Variants in INPP5D observed in about 807,000 individuals in gnomAD.
The protein encoded by INPP5D is phosphatidylinositol 3,4,5-trisphosphate 5-phosphatase 1.
In INPP5D, 33 loss-of-function variants were observed where a neutral mutation model predicts 122.9. The observed-to-expected ratio is 0.27, with a 90% CI of 0.20 to 0.36. The LOEUF is 0.36. Among genes scored for constraint, INPP5D ranks in the 10% least tolerant of loss-of-function variants. The pLI, the probability that INPP5D is intolerant of heterozygous loss-of-function variation, is 1.00. For missense variants in INPP5D, 1,053 were observed against 1,412.7 expected (o/e 0.75, Z 4.08); for synonymous variants, 584 against 576.2 (o/e 1.01, Z -0.19).
At chr2:233,139,673 G>A (rs1173806124) in intron 5 of INPP5D, among the ~76,000 whole-genome samples, 169 bp from the exon 6 acceptor site, 2 of 152,204 alleles carry the variant, frequency 1.3e-5, no homozygotes, top group African/African-American at 2.4e-5. Context: ...GGATGGGTGG[G>A]CCAGTGCTGG....
At chr2:233,142,531 A>C (rs1042175663) in intron 6 of INPP5D, among the ~76,000 whole-genome samples, 2 of 152,178 alleles carry the variant, frequency 1.3e-5, no homozygotes, top group African/African-American at 4.8e-5. Flanking sequence ...TTAAGTAGGC[A>C]AGACAAGCTG....
In INPP5D at chr2:233,112,081, A is replaced by G. The variant is rs557853308; in HGVS notation, c.199-10026A>G. ...TCTGTCTTGAAAAAAAAAAAAAAAA[A>G]GAACAATGTAATAACATTTTTCCTC... On this transcript the variant is annotated intron_variant, in intron 2 of 26. Transcript: ENST00000445964. Among the ~76,000 whole-genome samples the G allele has an allele frequency of 5.2e-3, 772 of 148,304 alleles. 11 individuals are homozygous for G. Among genetic ancestry groups the G allele is most frequent in the African/African-American group, 0.019 (726 of 39,200 alleles).
intron 18 of INPP5D, among the ~76,000 whole-genome samples, chr2:233,178,474 ATTT>A (rs1694702262): frequency 6.7e-6 from 1 of 150,346 alleles, no homozygotes; most frequent in African/African-American, 2.5e-5. Context: ...TTATTTATTT[ATTT>A]ATTTATTTAT....
In INPP5D at chr2:233,077,632, G is replaced by C. The variant is rs1208268100; in HGVS notation, c.135-1703G>C. Among the ~76,000 whole-genome samples, 43 of 120,840 alleles carry C rather than the reference G, an allele frequency of 3.6e-4. 1 individual carries two copies. The Admixed American group carries it at 4.0e-3, about 11-fold the overall frequency. The allele number at this position is 120,840 out of a possible 152,430, so 79.3% of individuals were successfully genotyped here. The stretch of plus-strand genomic sequence containing the variant: ...CAAGATTGCGTGCCATTGCACTCCA[G>C]CCTGGGCAACAAGAGCAAAACTCTG... On this transcript the variant is annotated intron_variant, in intron 1 of 26. Transcript: ENST00000445964.
intron 25 of INPP5D, among the ~76,000 whole-genome samples, chr2:233,203,647 T>C (rs1417146411): frequency 6.6e-6 from 1 of 152,228 alleles, no homozygotes; most frequent in Non-Finnish European, 1.5e-5. Flanking sequence ...ATCCCAGCAC[T>C]TTGGGAGGCC....
intron 9 of INPP5D, among the ~76,000 whole-genome samples, chr2:233,154,263 C>A (rs1201234191): frequency 1.3e-5 from 2 of 152,210 alleles, no homozygotes; most frequent in East Asian, 3.8e-4. Flanking sequence ...ATTCTCGTGC[C>A]TCAGCCTCCC....
intron 9 of INPP5D, among the ~76,000 whole-genome samples, chr2:233,156,832 G>A (rs927300619): frequency 1.3e-5 from 2 of 152,192 alleles, no homozygotes; most frequent in Non-Finnish European, 2.9e-5. Flanking sequence ...AACAATGTAG[G>A]CACAGCAAGC....
At chr2:233,205,161 A>G (rs1248712891) in intron 26 of INPP5D, 2 of 156,196 alleles carry the variant, frequency 1.3e-5, no homozygotes, top group East Asian at 2.0e-4. Flanking sequence ...CCTGGCCAAC[A>G]TGGTGAAACC....
chr2:233,144,935 T>C (rs1693719986), intron 6 of INPP5D, among the ~76,000 whole-genome samples: 1 of 151,778 alleles, frequency 6.6e-6, no homozygotes, highest in Non-Finnish European at 1.5e-5. Flanking sequence ...GGGTGGAAAA[T>C]TGAGGTCAAA....
Position 233,164,068 on chromosome 2 carries a change from G to T in INPP5D, c.1437+165G>T. ...CTGTATTCAGAAATAAATGGGATCTGTGGGGTATTGCTGAAAACCACTGAG... is the reference window on the plus strand; with the variant it reads ...CTGTATTCAGAAATAAATGGGATCTTTGGGGTATTGCTGAAAACCACTGAG... On this transcript the variant is annotated intron_variant, in intron 12 of 26. Transcript: ENST00000445964. This position sits in a 1 kb window ranked among gnomAD's most constrained non-coding sequence, Gnocchi z 4.3. 2 of 1,389,040 alleles carry T rather than the reference G, an allele frequency of 1.4e-6. No homozygotes were observed. The highest frequency in any genetic ancestry group is 1.9e-6 in the Non-Finnish European group (2 of 1,053,992). The allele number at this position is 1,389,040 out of a possible 1,614,324, so 86.0% of individuals were successfully genotyped here. A position where few individuals can be genotyped will look rare whatever the true frequency, so the allele number is the denominator to read the frequency against.
chr2:233,125,654 G>T (rs1693134357), intron 3 of INPP5D, 91 bp from the exon 4 acceptor site: 1 of 1,115,778 alleles, frequency 9.0e-7, no homozygotes, highest in Non-Finnish European at 1.3e-6. Flanking sequence ...CAATAACGTG[G>T]GTGTCGTGGC....
chr2:233,132,298 A>G (rs1212377602), intron 5 of INPP5D, among the ~76,000 whole-genome samples: 1 of 152,242 alleles, frequency 6.6e-6, no homozygotes, highest in South Asian at 2.1e-4. Context: ...GGCTTCCCTC[A>G]GTCTTCCCCA....
At chr2:233,134,782 A>G (rs1693421918) in intron 5 of INPP5D, among the ~76,000 whole-genome samples, 1 of 152,254 alleles carries the variant, frequency 6.6e-6, no homozygotes, top group African/African-American at 2.4e-5. Flanking sequence ...CTATTACATG[A>G]GAGCAGGGTA....
At chr2:233,080,094 T>C (rs1691633967) in intron 2 of INPP5D, among the ~76,000 whole-genome samples, 2 of 152,078 alleles carry the variant, frequency 1.3e-5, no homozygotes, top group Non-Finnish European at 2.9e-5. Context: ...CATGCCCGGC[T>C]GATTTTTGTA....
chr2:233,198,354 C>T lies in INPP5D; in HGVS notation c.2953C>T (p.Pro985Ser). The T allele has an allele frequency of 6.2e-7, 1 of 1,612,852 alleles. No homozygotes were observed. The highest frequency in any genetic ancestry group is 1.3e-5 in the African/African-American group (1 of 75,034). ...FLPSTANRGL[P>S]PRTQESRPSD... ...ACCCTCAACAGCAAACCGGGGTCTC[C>T]CTCCCAGGACACAGGAGTCAAGGTG... Residue 985 changes from proline (P) to serine (S), a missense_variant, in exon 25 of 27, where the codon CCT (proline) becomes TCT (serine). Around this residue, in one of 6 missense-constraint regions of INPP5D, gnomAD observed 417 missense variants for 425.8 expected, o/e 0.98. Transcript: ENST00000445964.
rs1469393359 is a variant in INPP5D, at chr2:233,105,507, A to G, written c.199-16600A>G. ...TCTTCACAAGCCTCTGCACCTGGTC[A>G]TATTTTCTTAGTTGTTTATGGTTCT... On this transcript the variant is annotated intron_variant, in intron 2 of 26. Transcript: ENST00000445964. The surrounding 1 kb of genome is among the most constrained non-coding windows in gnomAD (Gnocchi z 4.0). 6.6e-6 allele frequency among the ~76,000 whole-genome samples: 1 copy of G among 152,042 alleles called. No individual in the cohort carries two copies. Among genetic ancestry groups the G allele is most frequent in the Admixed American group, 6.6e-5 (1 of 15,266 alleles).
intron 9 of INPP5D, among the ~76,000 whole-genome samples, chr2:233,157,627 G>A (rs1694088002): frequency 6.7e-6 from 1 of 149,074 alleles, no homozygotes; most frequent in African/African-American, 2.5e-5. Flanking sequence ...TTGGCAGGGA[G>A]TCAAGTTGGG....
At chr2:233,184,980 G>A (rs1002914827) in intron 20 of INPP5D, among the ~76,000 whole-genome samples, 12 of 152,096 alleles carry the variant, frequency 7.9e-5, no homozygotes, top group Admixed American at 5.2e-4. Flanking sequence ...GGGGACTGCA[G>A]CGTCCGAAAG....
chr2:233,201,295 T>C (rs936580540), intron 25 of INPP5D, among the ~76,000 whole-genome samples: 1 of 152,056 alleles, frequency 6.6e-6, no homozygotes, highest in Non-Finnish European at 1.5e-5. Context: ...AAAAGGAGCA[T>C]GATTATTTGT....
Sources: gnomAD v4.1 joint callset for allele counts (sites outside exome capture counted in the v4.1 genomes callset) on GRCh38, gnomAD v4.1.1 for gene constraint, gnomAD v4.1.1 regional missense constraint, Gnocchi (gnomAD v3.1) non-coding constraint, MANE v1.5 for transcripts, NCBI Gene and HGNC (gene_info 2026-07-23, HGNC 2026-07-21) for gene names.